The following GRID2 variants were observed in gnomAD, a reference collection of about 807,000 sequenced individuals.
GRID2 encodes glutamate ionotropic receptor delta type subunit 2, also known as glutamate receptor ionotropic, delta-2.
Under a neutral mutation model 114.8 loss-of-function variants are expected in GRID2, and 33 were observed. That is an observed-to-expected ratio of 0.29 (90% CI 0.22 to 0.38). GRID2 has a LOEUF of 0.38. GRID2 is among the 10% of genes least tolerant of loss of function. The probability of loss-of-function intolerance (pLI) is 1.00; values close to 1 mark genes in which losing one functional copy is unlikely to be tolerated. For missense variants in GRID2, 1,184 were observed against 1,257.7 expected (o/e 0.94, Z 0.89); for synonymous variants, 505 against 449.9 (o/e 1.12, Z -1.55).
chr4:93,128,022 C>T (rs534497248), intron 4 of GRID2, among the ~76,000 whole-genome samples: 41 of 77,940 alleles, frequency 5.3e-4, no homozygotes, highest in East Asian at 4.6e-3. Flanking sequence ...CCTTGTCCCC[C>T]GCAACAAAAA....
intron 4 of GRID2, among the ~76,000 whole-genome samples, chr4:93,132,993 A>C (rs1734940415): frequency 6.6e-6 from 1 of 152,220 alleles, no homozygotes; most frequent in African/African-American, 2.4e-5. Context: ...TTCTCTGTTA[A>C]GCAAACAGAT....
intron 8 of GRID2, among the ~76,000 whole-genome samples, chr4:93,323,604 T>G (rs1308275505): frequency 2.6e-5 from 4 of 152,064 alleles, no homozygotes; most frequent in African/African-American, 7.2e-5. Flanking sequence ...GTAGCTTGAT[T>G]GGGATGGCAT....
At chr4:93,370,763 G>A (rs898007120) in intron 8 of GRID2, among the ~76,000 whole-genome samples, 1 of 151,868 alleles carries the variant, frequency 6.6e-6, no homozygotes, top group Admixed American at 6.6e-5. Flanking sequence ...CATCATATGC[G>A]ATCGTGTTTA....
intron 13 of GRID2, among the ~76,000 whole-genome samples, chr4:93,599,364 C>G (rs929860571): frequency 1.3e-5 from 2 of 152,294 alleles, no homozygotes; most frequent in African/African-American, 4.8e-5. Context: ...TAAGACCAGC[C>G]TCTTCAGGTG....
At chr4:92,686,206 C>G (rs1733898498) in intron 2 of GRID2, among the ~76,000 whole-genome samples, 1 of 151,984 alleles carries the variant, frequency 6.6e-6, no homozygotes, top group Admixed American at 6.5e-5. Flanking sequence ...GCATTTAAAG[C>G]CTCAAACTAC....
rs397961642 is a variant in GRID2, at chr4:93,202,210, G to GT, written c.736-5188dup. 4.6e-5 allele frequency among the ~76,000 whole-genome samples: 7 copies of GT among 152,108 alleles called. No homozygotes were observed. The East Asian group carries it at 5.8e-4, about 13-fold the overall frequency. On this transcript the variant is annotated intron_variant, in intron 4 of 15. Transcript: ENST00000282020. ...TAAATAGAGTCCTCATTGGATAGTG[G>GT]TTTTTTAAAATCAATATTATTTTAA...
intron 2 of GRID2, among the ~76,000 whole-genome samples, chr4:93,058,704 A>G (rs1281426632): frequency 6.6e-6 from 1 of 151,886 alleles, no homozygotes; most frequent in African/African-American, 2.4e-5. Context: ...TACATACTGA[A>G]TTTTCTTAAG....
intron 9 of GRID2, among the ~76,000 whole-genome samples, chr4:93,416,963 G>A (rs1025485878): frequency 2.6e-5 from 4 of 152,058 alleles, no homozygotes; most frequent in African/African-American, 9.7e-5. Context: ...CTTGTGCTTA[G>A]AGCATCTGTC....
At chr4:93,747,545 T>C (rs1211905589) in intron 14 of GRID2, among the ~76,000 whole-genome samples, 4 of 152,204 alleles carry the variant, frequency 2.6e-5, no homozygotes, top group Non-Finnish European at 5.9e-5. Context: ...ATTTGTTAAA[T>C]GAACTTTATG....
At chr4:92,974,836 A>T (rs1322445695) in intron 2 of GRID2, among the ~76,000 whole-genome samples, 1 of 152,036 alleles carries the variant, frequency 6.6e-6, no homozygotes, top group Admixed American at 6.6e-5. Context: ...AAGTATAATT[A>T]AACAAACAAA....
chr4:92,348,302 C>A (rs1028117280), intron 1 of GRID2, among the ~76,000 whole-genome samples: 2 of 152,130 alleles, frequency 1.3e-5, no homozygotes, highest in African/African-American at 4.8e-5. Flanking sequence ...TAGTTCTTAA[C>A]GTTTCAACCT....
At chr4:92,991,511 C>G (rs1754904315) in intron 2 of GRID2, among the ~76,000 whole-genome samples, 1 of 152,130 alleles carries the variant, frequency 6.6e-6, no homozygotes, top group South Asian at 2.1e-4. Context: ...GCTGTTTAAC[C>G]ACCCAAAGGG....
chr4:92,924,507 A>C (rs1039387306), intron 2 of GRID2, among the ~76,000 whole-genome samples: 6 of 152,160 alleles, frequency 3.9e-5, no homozygotes, highest in Non-Finnish European at 7.4e-5. Flanking sequence ...TTGTTTGTTA[A>C]GAAGAAACAG....
At chr4:93,757,649 T>C (rs899067999) in intron 14 of GRID2, among the ~76,000 whole-genome samples, 2 of 152,178 alleles carry the variant, frequency 1.3e-5, no homozygotes, top group African/African-American at 2.4e-5. Flanking sequence ...AGTTTTGGGA[T>C]TTTTTCCTCC....
At chr4:92,783,525 C>A (rs1439988548) in intron 2 of GRID2, among the ~76,000 whole-genome samples, 1 of 151,972 alleles carries the variant, frequency 6.6e-6, no homozygotes, top group Non-Finnish European at 1.5e-5. Flanking sequence ...TCATTGTTTT[C>A]TTTAGATGTT....
chr4:92,939,112 T>C (rs1750896603), intron 2 of GRID2, among the ~76,000 whole-genome samples: 1 of 147,376 alleles, frequency 6.8e-6, no homozygotes, highest in South Asian at 2.3e-4. Flanking sequence ...ATGGTATTTC[T>C]AGTTCTAGAT....
At chr4:93,784,818 G>A (rs2110353842) in intron 1 of GRID2, among the ~76,000 whole-genome samples, 1 of 152,214 alleles carries the variant, frequency 6.6e-6, no homozygotes, top group African/African-American at 2.4e-5. Flanking sequence ...ACTGAAAGAA[G>A]GGAGAGAAGA....
chr4:92,826,089 A>C (rs1326822848), intron 2 of GRID2, among the ~76,000 whole-genome samples: 1 of 152,090 alleles, frequency 6.6e-6, no homozygotes, highest in Non-Finnish European at 1.5e-5. Context: ...CATTCAGAGT[A>C]AATGCCAAAG....
At chr4:92,979,077 T>C (rs976325835) in intron 2 of GRID2, among the ~76,000 whole-genome samples, 3 of 152,038 alleles carry the variant, frequency 2.0e-5, no homozygotes, top group African/African-American at 7.2e-5. Flanking sequence ...CTGTCCGACA[T>C]TATAACCACT....
Sources: gnomAD v4.1 joint callset for allele counts (sites outside exome capture counted in the v4.1 genomes callset) on GRCh38, gnomAD v4.1.1 for gene constraint, MANE v1.5 for transcripts, NCBI Gene and HGNC (gene_info 2026-07-23, HGNC 2026-07-21) for gene names.